The following MITF variants were observed in gnomAD, a reference collection of about 807,000 sequenced individuals.
The protein encoded by MITF is microphthalmia-associated transcription factor.
Under a neutral mutation model 60.5 loss-of-function variants are expected in MITF, and 17 were observed. That is an observed-to-expected ratio of 0.28 (90% CI 0.19 to 0.42). The LOEUF (loss-of-function observed/expected upper bound fraction) is 0.42, where lower values mean the gene tolerates loss of function less well. MITF is among the 10% of genes least tolerant of loss of function. The pLI, the probability that MITF is intolerant of heterozygous loss-of-function variation, is 1.00. For missense variants in MITF, 622 were observed against 683.5 expected, an observed-to-expected ratio of 0.91 and a Z score of 1.00; for synonymous variants, 260 against 248.5, an observed-to-expected ratio of 1.05 and a Z score of -0.43.
chr3:69,793,612 G>T (rs977513684), intron 1 of MITF, among the ~76,000 whole-genome samples: 1 of 115,820 alleles, frequency 8.6e-6, no homozygotes, highest in Admixed American at 9.3e-5. Context: ...TGGAAAAATT[G>T]CTCCTGTTGA....
chr3:69,871,318 A>T (rs554935494), intron 1 of MITF, among the ~76,000 whole-genome samples: 1 of 152,232 alleles, frequency 6.6e-6, no homozygotes, highest in African/African-American at 2.4e-5. Flanking sequence ...GCACAAGCAC[A>T]TTCCTGAGTT....
At chr3:69,793,792 T>C (rs887557252) in intron 1 of MITF, among the ~76,000 whole-genome samples, 1 of 152,230 alleles carries the variant, frequency 6.6e-6, no homozygotes. Flanking sequence ...ACTTAGTTCC[T>C]GTGTACAAGC....
intron 1 of MITF, among the ~76,000 whole-genome samples, chr3:69,874,394 A>G (rs914510300): frequency 6.6e-6 from 1 of 152,240 alleles, no homozygotes; most frequent in Admixed American, 6.5e-5. Context: ...AAGAAGAAGC[A>G]TGCTCATGGT....
chr3:69,957,720 A>T (rs188242962), intron 8 of MITF, among the ~76,000 whole-genome samples: 301 of 152,332 alleles, frequency 2.0e-3, no homozygotes, highest in African/African-American at 6.8e-3. Context: ...CTTTAGCAAC[A>T]TATTATGAAA....
intron 2 of MITF, among the ~76,000 whole-genome samples, chr3:69,923,252 C>T (rs1356701151): frequency 1.3e-5 from 2 of 152,170 alleles, no homozygotes; most frequent in Admixed American, 6.5e-5. Flanking sequence ...ATAATAACAT[C>T]TGCTACTTCG....
intron 1 of MITF, among the ~76,000 whole-genome samples, chr3:69,809,850 CA>C (rs2063073041): frequency 6.6e-6 from 1 of 152,052 alleles, no homozygotes; most frequent in South Asian, 2.1e-4. Flanking sequence ...AACATTCTTC[CA>C]AAAATATTCT....
chr3:69,802,037 A>C (rs1559639212), intron 1 of MITF, among the ~76,000 whole-genome samples: 2 of 152,130 alleles, frequency 1.3e-5, no homozygotes, highest in African/African-American at 2.4e-5. Flanking sequence ...TACAACCATT[A>C]CTTGAGGAAA....
chr3:69,947,121 T>C (rs1169831763), intron 5 of MITF, among the ~76,000 whole-genome samples: 2 of 152,216 alleles, frequency 1.3e-5, no homozygotes, highest in Non-Finnish European at 2.9e-5. Flanking sequence ...ATCATCATAA[T>C]AACACAGTGA....
intron 1 of MITF, among the ~76,000 whole-genome samples, chr3:69,748,660 T>C (rs1703820232): frequency 6.6e-6 from 1 of 152,204 alleles, no homozygotes; most frequent in African/African-American, 2.4e-5. Context: ...TTGTGCCTCA[T>C]TGAGCAATTT....
chr3:69,766,447 GAAC>G (rs2062296345), intron 1 of MITF, among the ~76,000 whole-genome samples: 1 of 133,042 alleles, frequency 7.5e-6, no homozygotes, highest in Non-Finnish European at 1.5e-5. Flanking sequence ...GGCTGGTCTT[GAAC>G]TCCTGACCTC....
In MITF at chr3:69,863,527, G is replaced by A. The variant is rs377019061; in HGVS notation, c.105-15607G>A. Among the ~76,000 whole-genome samples the A allele has an allele frequency of 3.5e-4, 53 of 152,244 alleles. 1 individual carries two copies. The South Asian group carries it at 8.9e-3, about 26-fold the overall frequency. On this transcript the variant is annotated intron_variant, in intron 1 of 9. Coordinates refer to ENST00000352241, the MANE Select transcript of MITF (RefSeq NM_001354604.2). ...TTTGGCACCACATTATGTCCCCTTC[G>A]GGAAGGGCTGGAATTGATACCATTG...
intron 1 of MITF, among the ~76,000 whole-genome samples, chr3:69,811,255 T>C (rs2063096109): frequency 6.6e-6 from 1 of 152,212 alleles, no homozygotes; most frequent in Non-Finnish European, 1.5e-5. Flanking sequence ...TATTTACATG[T>C]TATGGCTATT....
chr3:69,757,784 G>A (rs1043407329), intron 1 of MITF, among the ~76,000 whole-genome samples: 3 of 151,760 alleles, frequency 2.0e-5, no homozygotes, highest in African/African-American at 4.8e-5. Context: ...TAGGATCTTC[G>A]GGCAAATTTT....
chr3:69,895,265 A>T (rs756004823), intron 2 of MITF, among the ~76,000 whole-genome samples: 23 of 152,230 alleles, frequency 1.5e-4, no homozygotes, highest in Non-Finnish European at 3.1e-4. Flanking sequence ...GTTCCACTAT[A>T]GTTTAAGTCA....
At chr3:69,847,017 C>T (rs1223550705) in intron 1 of MITF, among the ~76,000 whole-genome samples, 1 of 151,916 alleles carries the variant, frequency 6.6e-6, no homozygotes, top group East Asian at 1.9e-4. Context: ...TTATTATGAC[C>T]CAGGAAAGGG....
At chr3:69,794,218 G>A (rs1383716017) in intron 1 of MITF, among the ~76,000 whole-genome samples, 2 of 152,154 alleles carry the variant, frequency 1.3e-5, no homozygotes, top group African/African-American at 2.4e-5. Context: ...CTGTGAAAAG[G>A]TGAGCTATAT....
At chr3:69,910,024 A>G (rs1232600626) in intron 2 of MITF, among the ~76,000 whole-genome samples, 2 of 152,170 alleles carry the variant, frequency 1.3e-5, no homozygotes, top group Non-Finnish European at 2.9e-5. Context: ...CCTTCCCATC[A>G]CAGGCCTGGA....
At chr3:69,889,429 G>A (rs1452754091) in intron 2 of MITF, among the ~76,000 whole-genome samples, 3 of 149,206 alleles carry the variant, frequency 2.0e-5, no homozygotes, top group African/African-American at 2.5e-5. Flanking sequence ...AGTGCTGTCT[G>A]ATAGAATATG....
Position 69,949,125 on chromosome 3 carries a change from C to T in MITF, c.837C>T (p.Asn279=), listed in dbSNP as rs2107511439. The change falls in exon 6 of 10, where the codon AAC becomes AAT. Residue 279 remains asparagine, a synonymous_variant. Transcript: ENST00000352241. ...CCCCACCAGGCCTCACCATCAGCAA[C>T]TCCTGTCCAGCCAACCTTCCCAACA... ...GLPPPGLTIS[N]SCPANLPNIK... is the part of the protein sequence containing the mutation. 6.2e-7 allele frequency: 1 copy of T among 1,613,780 alleles called. No homozygotes were observed. The highest frequency in any genetic ancestry group is 8.5e-7 in the Non-Finnish European group (1 of 1,179,844).
Sources: gnomAD v4.1 joint callset for allele counts (sites outside exome capture counted in the v4.1 genomes callset) on GRCh38, gnomAD v4.1.1 for gene constraint, MANE v1.5 for transcripts, NCBI Gene and HGNC (gene_info 2026-07-23, HGNC 2026-07-21) for gene names.